Variants in BCAR3 observed in about 807,000 individuals in gnomAD.
The protein encoded by BCAR3 is breast cancer anti-estrogen resistance protein 3.
Under a neutral mutation model 80.1 loss-of-function variants are expected in BCAR3, and 37 were observed. That is an observed-to-expected ratio of 0.46 (90% CI 0.36 to 0.61). The LOEUF (loss-of-function observed/expected upper bound fraction) is 0.61, where lower values mean the gene tolerates loss of function less well. Among genes scored for constraint, BCAR3 ranks in the 20% least tolerant of loss-of-function variants. The pLI, the probability that BCAR3 is intolerant of heterozygous loss-of-function variation, is 0.00. For synonymous variants in BCAR3, 389 were observed against 418.9 expected, an observed-to-expected ratio of 0.93 and a Z score of 0.87; for missense variants, 978 against 1,068.2, an observed-to-expected ratio of 0.92 and a Z score of 1.18.
At chr1:93,664,531 C>G (rs571579576) in intron 2 of BCAR3, among the ~76,000 whole-genome samples, 1 of 152,268 alleles carries the variant, frequency 6.6e-6, no homozygotes, top group South Asian at 2.1e-4. Context: ...GGCAGTTTCC[C>G]TAATCATGTT....
intron 2 of BCAR3, among the ~76,000 whole-genome samples, chr1:93,843,801 T>C (rs1020409476): frequency 6.6e-6 from 1 of 152,190 alleles, no homozygotes; most frequent in Non-Finnish European, 1.5e-5. Flanking sequence ...CCTAGGAAAT[T>C]TGGAGTGTCC....
intron 2 of BCAR3, among the ~76,000 whole-genome samples, chr1:93,762,051 C>A (rs1036113968): frequency 6.6e-6 from 1 of 152,200 alleles, no homozygotes; most frequent in Non-Finnish European, 1.5e-5. Flanking sequence ...CACACCTTGT[C>A]ACCAGGGTCC....
At chr1:93,727,074 T>C (rs916561806) in intron 2 of BCAR3, among the ~76,000 whole-genome samples, 1 of 152,258 alleles carries the variant, frequency 6.6e-6, no homozygotes, top group Non-Finnish European at 1.5e-5. Flanking sequence ...CCATTGACTC[T>C]TGTACATGGT....
intron 2 of BCAR3, among the ~76,000 whole-genome samples, chr1:93,736,961 C>T (rs1425656761): frequency 6.6e-6 from 1 of 152,176 alleles, no homozygotes; most frequent in Non-Finnish European, 1.5e-5. Context: ...AATGCAGATT[C>T]CAGCTTCTCC....
At chr1:93,669,694 T>A (rs1252703412) in intron 2 of BCAR3, among the ~76,000 whole-genome samples, 2 of 152,174 alleles carry the variant, frequency 1.3e-5, no homozygotes, top group East Asian at 1.9e-4. Flanking sequence ...AACACAGACA[T>A]CCCGACAACA....
chr1:93,688,715 C>T (rs1649060103), intron 3 of BCAR3, among the ~76,000 whole-genome samples: 1 of 152,206 alleles, frequency 6.6e-6, no homozygotes, highest in Admixed American at 6.5e-5. Context: ...CCTGCCTCAG[C>T]CTCCCTAGTA....
At chr1:93,721,003 A>C (rs1571072844) in intron 2 of BCAR3, among the ~76,000 whole-genome samples, 1 of 152,204 alleles carries the variant, frequency 6.6e-6, no homozygotes, top group East Asian at 1.9e-4. Flanking sequence ...CCAGCTCCGC[A>C]GGTGCTTCTG....
intron 2 of BCAR3, among the ~76,000 whole-genome samples, chr1:93,769,691 A>T (rs1272536176): frequency 1.3e-5 from 2 of 152,224 alleles, no homozygotes; most frequent in African/African-American, 4.8e-5. Flanking sequence ...GGAGCCAGAA[A>T]GATGGGCCAA....
chr1:93,582,638 G>A lies in BCAR3; in HGVS notation c.1349C>T (p.Ala450Val). 3 of 1,614,020 alleles carry A rather than the reference G, an allele frequency of 1.9e-6. 1 individual carries two copies. In the South Asian group the frequency reaches 3.3e-5, roughly 18 times the overall value. Residue 450 changes from alanine to valine, a missense_variant, in exon 7 of 12, where the codon GCC becomes GTC. Coordinates refer to ENST00000260502, the MANE Select transcript of BCAR3 (RefSeq NM_003567.4). ...CGRGAKLPSC[A>V]QGSHTELLTA... is the part of the protein sequence containing the mutation. ...GAGCAGTTCTGTGTGGCTTCCCTGG[G>A]CACATGAGGGTAGCTTTGCTCCCCT... is the stretch of plus-strand genomic sequence containing the variant.
In BCAR3 at chr1:93,589,038, T is replaced by C. The variant is rs765219365; in HGVS notation, c.868A>G (p.Ser290Gly). The change falls in exon 5 of 12, where the codon AGC becomes GGC. Residue 290 changes from serine (S) to glycine (G), a missense_variant. Transcript: ENST00000260502. Reference sequence around the variant, plus strand: ...GCCTGGACGCCACCCATGGTGAGGCTCAGCCTCTTGGCCACATCCGGCCTT... The same window carrying C: ...GCCTGGACGCCACCCATGGTGAGGCCCAGCCTCTTGGCCACATCCGGCCTT... ...KGRPDVAKRL[S>G]LTMGGVQARE... 15 of 1,608,764 alleles carry C rather than the reference T, an allele frequency of 9.3e-6. No homozygotes were observed. In the Middle Eastern group the frequency reaches 5.0e-4, roughly 54 times the overall value.
chr1:93,623,006 T>C (rs1181576766), intron 3 of BCAR3, among the ~76,000 whole-genome samples: 1 of 152,068 alleles, frequency 6.6e-6, no homozygotes, highest in Non-Finnish European at 1.5e-5. Context: ...GATGTGGGAA[T>C]CCATCCAAGG....
intron 2 of BCAR3, among the ~76,000 whole-genome samples, chr1:93,722,303 G>T (rs1650433926): frequency 6.6e-6 from 1 of 152,230 alleles, no homozygotes. Flanking sequence ...GCGTCCTTGG[G>T]GACAGGCTAC....
At chr1:93,736,850 T>G (rs983044786) in intron 2 of BCAR3, among the ~76,000 whole-genome samples, 41 of 152,250 alleles carry the variant, frequency 2.7e-4, no homozygotes, top group African/African-American at 9.2e-4. Context: ...GAGTGCTTTC[T>G]GTGTGCTGGG....
At chr1:93,620,059 C>T (rs1480948748) in intron 3 of BCAR3, among the ~76,000 whole-genome samples, 2 of 152,204 alleles carry the variant, frequency 1.3e-5, no homozygotes, top group East Asian at 3.9e-4. Context: ...CTTCCCCCTT[C>T]GAAAGAAGGG....
chr1:93,677,008 A>C (rs569171144), intron 1 of BCAR3, among the ~76,000 whole-genome samples: 1 of 152,356 alleles, frequency 6.6e-6, no homozygotes, highest in Non-Finnish European at 1.5e-5. Context: ...CTCCAATAAC[A>C]AGGGATGTTA....
chr1:93,564,705 G>A (rs1034513329), intron 11 of BCAR3, among the ~76,000 whole-genome samples: 3 of 152,200 alleles, frequency 2.0e-5, no homozygotes, highest in African/African-American at 7.2e-5. Context: ...TATGAGGTAA[G>A]GATCGAGATT....
At chr1:93,671,442 G>A (rs770611099) in intron 2 of BCAR3, among the ~76,000 whole-genome samples, 4 of 152,132 alleles carry the variant, frequency 2.6e-5, no homozygotes, top group Admixed American at 6.6e-5. Flanking sequence ...CATCCAAGGC[G>A]GCCCACTATC....
chr1:93,617,753 TG>T (rs1286108351), intron 3 of BCAR3, among the ~76,000 whole-genome samples: 4 of 152,190 alleles, frequency 2.6e-5, no homozygotes, highest in Non-Finnish European at 4.4e-5. Context: ...CCATCTTTCC[TG>T]GTGCCCTGGG....
At chr1:93,716,127 C>T (rs967953122) in intron 2 of BCAR3, among the ~76,000 whole-genome samples, 2 of 152,206 alleles carry the variant, frequency 1.3e-5, no homozygotes, top group African/African-American at 4.8e-5. Context: ...CAAGAGCTAG[C>T]TCCCTATGTC....
Sources: allele counts gnomAD v4.1 joint callset (sites outside exome capture counted in the v4.1 genomes callset), GRCh38; gene constraint gnomAD v4.1.1; transcripts MANE v1.5; gene names NCBI Gene and HGNC (gene_info 2026-07-23, HGNC 2026-07-21).